Variants in ASMT observed in about 807,000 individuals in gnomAD.
The protein encoded by ASMT is acetylserotonin O-methyltransferase, also known as acetylserotonin N-methyltransferase.
ASMT carries 53 observed loss-of-function variants against 41.3 expected under a neutral mutation model. The observed-to-expected ratio is 1.28, with a 90% confidence interval of 1.03 to 1.61. The LOEUF (loss-of-function observed/expected upper bound fraction) is 1.61. ASMT is among the 40% of genes most tolerant of loss of function. The pLI is 0.00. For synonymous variants in ASMT, 231 were observed against 184.8 expected (o/e 1.25, Z -2.03); for missense variants, 531 against 441.3 (o/e 1.20, Z -1.82).
rs369159859 is a variant in ASMT, at chrX:1,615,158, C to T, written c.-42C>T. 5.6e-5 allele frequency: 86 copies of T among 1,548,692 alleles called. No homozygotes were observed. Among genetic ancestry groups the T allele is most frequent in the Admixed American group, 1.3e-4 (7 of 51,980 alleles). ...CAGGCTCTGTGCTCCTTGAAGCAAG[C>T]GCTCCAGAGGCTCCGGAAGCCACGG... On this transcript the variant is annotated 5_prime_UTR_variant, in exon 1 of 9. Coordinates refer to ENST00000381241, the MANE Select transcript of ASMT (RefSeq NM_001171038.2).
At chrX:1,636,230 T>C (rs1263184307) in intron 7 of ASMT, 1 of 705,446 alleles carries the variant, frequency 1.4e-6, no homozygotes, top group African/African-American at 1.7e-5. Flanking sequence ...GTGCTAGGAT[T>C]ACAGGCGTGA....
intron 8 of ASMT, among the ~76,000 whole-genome samples, chrX:1,642,062 G>C (rs1469671125): frequency 5.5e-5 from 8 of 146,038 alleles, no homozygotes; most frequent in Non-Finnish European, 1.0e-4. Context: ...CATCCATCCT[G>C]ATGGCCCATG....
At chrX:1,616,805 T>C (rs1346804744) in intron 1 of ASMT, among the ~76,000 whole-genome samples, 2 of 151,118 alleles carry the variant, frequency 1.3e-5, no homozygotes, top group East Asian at 3.9e-4. Context: ...ACCTCCCAGG[T>C]TCACGCCATT....
chrX:1,630,941 T>C (rs776353156), intron 5 of ASMT, among the ~76,000 whole-genome samples: 6 of 148,024 alleles, frequency 4.1e-5, no homozygotes, highest in East Asian at 4.0e-4. Flanking sequence ...GATGGAGTCT[T>C]GCTCTGTCAC....
At chrX:1,633,859 C>T (rs1160765594) in intron 7 of ASMT, among the ~76,000 whole-genome samples, 2 of 152,110 alleles carry the variant, frequency 1.3e-5, no homozygotes, top group Non-Finnish European at 2.9e-5. Context: ...AGGATGGTCT[C>T]GATCTCCTGA....
At chrX:1,636,672 C>G in intron 8 of ASMT, 112 bp downstream of exon 8, 2 of 1,531,466 alleles carry the variant, frequency 1.3e-6, no homozygotes, top group Admixed American at 1.7e-5. Flanking sequence ...GGTAGACATC[C>G]TGCCCAATAT....
chrX:1,615,638 A>C (rs1189680403), intron 1 of ASMT, among the ~76,000 whole-genome samples: 2 of 152,006 alleles, frequency 1.3e-5, no homozygotes, highest in Non-Finnish European at 2.9e-5. Flanking sequence ...CCCCATCTCT[A>C]CTAAAAATAC....
intron 1 of ASMT, among the ~76,000 whole-genome samples, chrX:1,620,209 T>G: frequency 7.0e-6 from 1 of 143,454 alleles, no homozygotes; most frequent in African/African-American, 2.6e-5. Flanking sequence ...TCTCACTCTG[T>G]TGCCCAGGCT....
In ASMT at chrX:1,633,642, AT is replaced by A. The variant is rs35471677; in HGVS notation, c.787+367del. 3.0e-3 allele frequency among the ~76,000 whole-genome samples: 391 copies of A among 131,578 alleles called. 4 individuals carry two copies. The highest frequency in any genetic ancestry group is 1.7e-3 in the Non-Finnish European group (105 of 62,162). 86.3% of individuals were successfully genotyped at this position (131,578 alleles called of 152,430 possible). A position where few individuals can be genotyped will look rare whatever the true frequency, so the allele number is the denominator to read the frequency against. On this transcript the variant is annotated intron_variant, in intron 7 of 8. Transcript: ENST00000381241. ...AGGCATGCGCCACCACATCCAGCTA[AT>A]TTTTTTTTTTTTTTGAGATGGAGTC... is the stretch of plus-strand genomic sequence containing the variant.
In ASMT at chrX:1,624,107, C is replaced by T. The variant is rs750167287; in HGVS notation, c.245-162C>T. 6.6e-4 allele frequency: 300 copies of T among 451,758 alleles called. 1 individual carries two copies. Among genetic ancestry groups the T allele is most frequent in the African/African-American group, 6.0e-3 (286 of 47,372 alleles). The allele number at this position is 451,758 out of a possible 1,614,324, so 28.0% of individuals were successfully genotyped here. A position where few individuals can be genotyped will look rare whatever the true frequency, so the allele number is the denominator to read the frequency against. ...CCCCAGGTCACCTTTGCGCCTTCCA[C>T]AGAAGGCTCCAGCTGTACAAGGCAA... On this transcript the variant is annotated intron_variant, in intron 2 of 8. Coordinates refer to ENST00000381241, the MANE Select transcript of ASMT (RefSeq NM_001171038.2).
At chrX:1,615,755 T>C (rs1436429335) in intron 1 of ASMT, among the ~76,000 whole-genome samples, 14 of 151,240 alleles carry the variant, frequency 9.3e-5, no homozygotes, top group African/African-American at 2.7e-4. Context: ...TGAGCCGAGA[T>C]CGCACCACTG....
chrX:1,621,037 C>A (rs4308913), intron 1 of ASMT, among the ~76,000 whole-genome samples: 39,823 of 151,418 alleles, frequency 0.26, 6,338 homozygotes, highest in African/African-American at 0.47. Context: ...CGTAGGTTGC[C>A]GTGAGCCGAG....
At position 1,620,059 on chromosome X, in the gene ASMT, C is replaced by T. The variant is rs181979830; in HGVS notation, c.70-3080C>T. Among the ~76,000 whole-genome samples the T allele has an allele frequency of 9.2e-4, 139 of 150,596 alleles. 1 individual carries two copies. The East Asian group carries it at 0.023, about 25-fold the overall frequency. ...TGTGAGCCGAGATCGCACCACTGCA[C>T]TCCAGCCTGGGTGACAGAGCCAGAC... On this transcript the variant is annotated intron_variant, in intron 1 of 8. Coordinates refer to ENST00000381241, the MANE Select transcript of ASMT (RefSeq NM_001171038.2).
intron 4 of ASMT, among the ~76,000 whole-genome samples, chrX:1,628,406 A>T (rs1934639411): frequency 6.6e-6 from 1 of 152,140 alleles, no homozygotes; most frequent in East Asian, 1.9e-4. Context: ...TCAGCTCTTC[A>T]CTTTGCTTTG....
chrX:1,622,562 G>A (rs1934374013), intron 1 of ASMT, among the ~76,000 whole-genome samples: 1 of 151,918 alleles, frequency 6.6e-6, no homozygotes, highest in African/African-American at 2.4e-5. Flanking sequence ...AGGGATTATA[G>A]GTATGAGTTA....
At chrX:1,634,324 A>G (rs1390695743) in intron 7 of ASMT, among the ~76,000 whole-genome samples, 8 of 152,102 alleles carry the variant, frequency 5.3e-5, no homozygotes, top group African/African-American at 7.2e-5. Flanking sequence ...AATTCCCCCA[A>G]CAACAAGGTT....
chrX:1,633,382 G>A, intron 7 of ASMT, 92 bp downstream of exon 7: 1 of 1,540,134 alleles, frequency 6.5e-7, no homozygotes, highest in Non-Finnish European at 9.0e-7. Flanking sequence ...ATGTGATGTG[G>A]TTTTCCTCTC....
rs773463962 is a variant in ASMT at position 1,615,211 on chromosome X, A to G, written c.12A>G (p.Ser4=). The change falls in exon 1 of 9, where the codon TCA becomes TCG. Residue 4 remains serine (S), a synonymous_variant. Transcript: ENST00000381241. Reference sequence around the variant, plus strand: ...GGATTGGAGACAAGATGGGATCCTCAGAGGACCAGGCCTATCGCCTCCTTA... The same window carrying G: ...GGATTGGAGACAAGATGGGATCCTCGGAGGACCAGGCCTATCGCCTCCTTA... MGS[S]EDQAYRLLND... 6.3e-7 allele frequency: 1 copy of G among 1,595,790 alleles called. No individual in the cohort carries two copies. The highest frequency in any genetic ancestry group is 8.5e-7 in the Non-Finnish European group (1 of 1,171,370).
At chrX:1,636,189 C>G (rs1479288601) in intron 7 of ASMT, 2 of 543,728 alleles carry the variant, frequency 3.7e-6, no homozygotes, top group African/African-American at 3.8e-5. Flanking sequence ...GATCTCCTGA[C>G]CTCGTGATCT....
Sources: allele counts gnomAD v4.1 joint callset (sites outside exome capture counted in the v4.1 genomes callset), GRCh38; gene constraint gnomAD v4.1.1; transcripts MANE v1.5; gene names NCBI Gene and HGNC (gene_info 2026-07-23, HGNC 2026-07-21).